Variants in ZNF385B observed in about 807,000 individuals in gnomAD.
The protein encoded by ZNF385B is zinc finger protein 533.
A neutral mutation model predicts 39.2 loss-of-function variants in ZNF385B; 23 were observed. The observed-to-expected ratio is 0.59, with a 90% confidence interval of 0.42 to 0.83. The LOEUF is 0.83. Among genes scored for constraint, ZNF385B ranks in the 40% least tolerant of loss-of-function variants. The probability of loss-of-function intolerance (pLI) is 0.00; values close to 1 mark genes in which losing one functional copy is unlikely to be tolerated. For missense variants in ZNF385B, 552 were observed against 598.9 expected (o/e 0.92, Z 0.82); for synonymous variants, 205 against 222.6 (o/e 0.92, Z 0.70).
intron 3 of ZNF385B, among the ~76,000 whole-genome samples, chr2:179,664,820 CAT>C (rs1694941935): frequency 6.6e-6 from 1 of 151,978 alleles, no homozygotes; most frequent in African/African-American, 2.4e-5. Context: ...TTTACAGAAA[CAT>C]ATTTGGAAGG....
rs1346583793 is a variant in ZNF385B, at chr2:179,673,835, AATGGAAT to A, written c.298+95661_298+95667del. Among the ~76,000 whole-genome samples the A allele has an allele frequency of 6.6e-5, 10 of 152,360 alleles. No homozygotes were observed. The East Asian group carries it at 1.9e-3, about 29-fold the overall frequency. The stretch of plus-strand genomic sequence containing the variant: ...TCATAACTTTTTAAAATACTCTCAC[AATGGAAT>A]ATTTCTTAAACTTAATAAAGAACCA... On this transcript the variant is annotated intron_variant, in intron 3 of 9. Transcript: ENST00000410066.
intron 1 of ZNF385B, chr2:179,814,615 C>G: frequency 1.8e-6 from 1 of 565,266 alleles, no homozygotes; most frequent in Non-Finnish European, 3.2e-6. Flanking sequence ...GACTGTAGGG[C>G]CCTCAATGGT....
intron 3 of ZNF385B, among the ~76,000 whole-genome samples, chr2:179,689,811 GTGTGTGTGTGTGTGTT>G (rs1241437011): frequency 1.2e-4 from 16 of 130,860 alleles, no homozygotes; most frequent in African/African-American, 2.7e-4. Flanking sequence ...GTGTGTGTGT[GTGTGTGTGTGTGTGTT>G]TATTTGTTTT....
intron 5 of ZNF385B, among the ~76,000 whole-genome samples, chr2:179,517,673 G>T (rs1163185715): frequency 6.6e-6 from 1 of 152,044 alleles, no homozygotes; most frequent in Non-Finnish European, 1.5e-5. Flanking sequence ...AAGTAACTCA[G>T]GAAATACCAC....
intron 3 of ZNF385B, among the ~76,000 whole-genome samples, chr2:179,638,369 AAG>A (rs1383035094): frequency 6.6e-6 from 1 of 152,222 alleles, no homozygotes; most frequent in Non-Finnish European, 1.5e-5. Context: ...TAAGGACAAA[AAG>A]AATTTTAAGA....
chr2:179,663,476 C>T (rs556532713), intron 3 of ZNF385B, among the ~76,000 whole-genome samples: 3 of 151,934 alleles, frequency 2.0e-5, no homozygotes, highest in African/African-American at 4.8e-5. Flanking sequence ...TTTGGGAGGC[C>T]GAGGCAGGCG....
chr2:179,508,689 G>A (rs6719228), intron 5 of ZNF385B, among the ~76,000 whole-genome samples: 108,393 of 152,062 alleles, frequency 0.71, 39,744 homozygotes, highest in East Asian at 0.91. Flanking sequence ...ATTTTCTGTT[G>A]AGACTGTATT....
chr2:179,741,969 T>G (rs1702114595), intron 3 of ZNF385B, among the ~76,000 whole-genome samples: 1 of 152,050 alleles, frequency 6.6e-6, no homozygotes, highest in Admixed American at 6.6e-5. Flanking sequence ...ATTACGCATC[T>G]TAACTACAAC....
intron 3 of ZNF385B, among the ~76,000 whole-genome samples, chr2:179,761,529 T>G (rs984799801): frequency 5.3e-5 from 8 of 152,064 alleles, no homozygotes; most frequent in Non-Finnish European, 1.0e-4. Flanking sequence ...ATTTGCATTT[T>G]AAAATTTTGA....
At chr2:179,749,411 G>A (rs1170837478) in intron 3 of ZNF385B, among the ~76,000 whole-genome samples, 1 of 152,012 alleles carries the variant, frequency 6.6e-6, no homozygotes, top group Non-Finnish European at 1.5e-5. Context: ...GAGCAAATAT[G>A]TTTCACAGCT....
At chr2:179,830,243 T>C (rs958371175) in intron 1 of ZNF385B, among the ~76,000 whole-genome samples, 11 of 152,238 alleles carry the variant, frequency 7.2e-5, no homozygotes, top group Non-Finnish European at 1.0e-4. Context: ...CTGGTAAGGA[T>C]GTGGAGAAAC....
intron 1 of ZNF385B, among the ~76,000 whole-genome samples, chr2:179,792,853 A>G (rs1337936049): frequency 6.6e-6 from 1 of 152,228 alleles, no homozygotes; most frequent in Non-Finnish European, 1.5e-5. Context: ...GAAGAACATG[A>G]GTACATATCC....
chr2:179,716,197 C>T (rs1367146631), intron 3 of ZNF385B, among the ~76,000 whole-genome samples: 1 of 152,156 alleles, frequency 6.6e-6, no homozygotes. Context: ...AGTCAATGCT[C>T]TAGTGACAAA....
At chr2:179,625,144 T>C (rs1690545856) in intron 3 of ZNF385B, among the ~76,000 whole-genome samples, 1 of 152,142 alleles carries the variant, frequency 6.6e-6, no homozygotes, top group Non-Finnish European at 1.5e-5. Flanking sequence ...AGACTCACTG[T>C]CTCCTCCATA....
intron 3 of ZNF385B, among the ~76,000 whole-genome samples, chr2:179,699,387 T>C (rs1038534426): frequency 6.6e-6 from 1 of 152,230 alleles, no homozygotes; most frequent in African/African-American, 2.4e-5. Flanking sequence ...CTAGTATTTC[T>C]GTTTTGCACT....
At position 179,544,925 on chromosome 2, in the gene ZNF385B, G is replaced by C; in HGVS notation, c.343C>G (p.Pro115Ala). ...TTTLPALVRTPTLMMQPSLDI... is the reference protein window; with the variant it reads ...TTTLPALVRTATLMMQPSLDI... ...AGTGAAGGCTGCATCATCAGGGTAGGTGTGCGCACAAGAGCAGGAAGGGTA... is the reference window on the plus strand; with the variant it reads ...AGTGAAGGCTGCATCATCAGGGTAGCTGTGCGCACAAGAGCAGGAAGGGTA... The change falls in exon 4 of 10, where the codon CCT becomes GCT. Residue 115 changes from proline (P) to alanine (A), a missense_variant. Coordinates refer to ENST00000410066, the MANE Select transcript of ZNF385B (RefSeq NM_152520.6). The C allele has an allele frequency of 1.2e-6, 2 of 1,614,104 alleles. No homozygotes were observed. Among genetic ancestry groups the C allele is most frequent in the Non-Finnish European group, 1.7e-6 (2 of 1,179,972 alleles).
chr2:179,664,485 T>C (rs1008443348), intron 3 of ZNF385B, among the ~76,000 whole-genome samples: 6 of 152,156 alleles, frequency 3.9e-5, no homozygotes, highest in African/African-American at 2.4e-5. Context: ...TTTGAATAGA[T>C]TGAACATTGA....
intron 1 of ZNF385B, among the ~76,000 whole-genome samples, chr2:179,816,266 T>C (rs917915100): frequency 6.6e-6 from 1 of 152,186 alleles, no homozygotes; most frequent in African/African-American, 2.4e-5. Flanking sequence ...TTACCCTGTT[T>C]TCAAAATACA....
intron 6 of ZNF385B, among the ~76,000 whole-genome samples, chr2:179,471,700 A>G (rs1195544254): frequency 7.9e-5 from 12 of 152,342 alleles, no homozygotes; most frequent in South Asian, 6.2e-4. Context: ...ACTATATCAT[A>G]ACTAAAAACT....
Sources: gnomAD v4.1 joint callset for allele counts (sites outside exome capture counted in the v4.1 genomes callset) on GRCh38, gnomAD v4.1.1 for gene constraint, MANE v1.5 for transcripts, NCBI Gene and HGNC (gene_info 2026-07-23, HGNC 2026-07-21) for gene names.